GABRG3: variants seen among roughly 807,000 people sequenced by gnomAD.
GABRG3 encodes the protein gamma-aminobutyric acid type A receptor subunit gamma3, also known as gamma-aminobutyric acid receptor subunit gamma-3.
GABRG3 carries 25 observed loss-of-function variants against 48.8 expected under a neutral mutation model. The ratio of observed to expected loss-of-function variants is 0.51; its 90% CI spans 0.37 to 0.72. The LOEUF (loss-of-function observed/expected upper bound fraction) is 0.72, where lower values mean the gene tolerates loss of function less well. Among genes scored for constraint, GABRG3 ranks in the 30% least tolerant of loss-of-function variants. The pLI is 0.00. For missense variants in GABRG3, 394 were observed against 577.9 expected (o/e 0.68, Z 3.26); for synonymous variants, 227 against 217.6 (o/e 1.04, Z -0.38).
intron 3 of GABRG3, among the ~76,000 whole-genome samples, chr15:27,095,245 G>A (rs1300425204): frequency 6.6e-6 from 1 of 152,216 alleles, no homozygotes; most frequent in East Asian, 1.9e-4. Flanking sequence ...TGGCAACTCT[G>A]TTGAATGAAG....
At chr15:27,285,982 A>G (rs1891598536) in intron 3 of GABRG3, among the ~76,000 whole-genome samples, 1 of 152,182 alleles carries the variant, frequency 6.6e-6, no homozygotes, top group African/African-American at 2.4e-5. Context: ...ATCTTCGTAA[A>G]TATTTGATGA....
intron 5 of GABRG3, among the ~76,000 whole-genome samples, chr15:27,426,554 C>T (rs1888298863): frequency 6.6e-6 from 1 of 152,066 alleles, no homozygotes; most frequent in African/African-American, 2.4e-5. Context: ...GTGTCTCATG[C>T]CAGTAATCCC....
At chr15:27,513,087 GA>G (rs1890935294) in intron 6 of GABRG3, among the ~76,000 whole-genome samples, 2 of 152,164 alleles carry the variant, frequency 1.3e-5, no homozygotes, top group Admixed American at 1.3e-4. Flanking sequence ...ATGAAAAGAT[GA>G]GAGGAGATAT....
intron 3 of GABRG3, among the ~76,000 whole-genome samples, chr15:27,259,343 G>A (rs2140465308): frequency 6.6e-6 from 1 of 152,262 alleles, no homozygotes; most frequent in Middle Eastern, 3.4e-3. Context: ...GTTTGGAGGT[G>A]CAGCTTTGTG....
Position 27,525,605 on chromosome 15 carries a change from G to C in GABRG3, c.866-1828G>C, listed in dbSNP as rs145133130. Among the ~76,000 whole-genome samples the C allele has an allele frequency of 7.7e-3, 1,177 of 152,252 alleles. 4 individuals carry two copies. Among genetic ancestry groups the C allele is most frequent in the Non-Finnish European group, 0.012 (794 of 68,032 alleles). The stretch of plus-strand genomic sequence containing the variant: ...TACAGGCCACTCATGACAACTGATG[G>C]ACAAGGTCTATGGAAATTACAGACA... On this transcript the variant is annotated intron_variant, in intron 7 of 9. Transcript: ENST00000615808.
At chr15:27,503,521 C>CT (rs1031088896) in intron 6 of GABRG3, among the ~76,000 whole-genome samples, 1 of 151,932 alleles carries the variant, frequency 6.6e-6, no homozygotes, top group African/African-American at 2.4e-5. Context: ...TTTTTTTTCC[C>CT]TTTTTTTCAC....
intron 3 of GABRG3, among the ~76,000 whole-genome samples, chr15:27,175,557 C>T (rs1203553512): frequency 6.6e-6 from 1 of 152,178 alleles, no homozygotes; most frequent in Non-Finnish European, 1.5e-5. Flanking sequence ...TTCCATTGCC[C>T]ACTAATAATG....
At chr15:27,461,086 AACTC>A (rs1428864976) in intron 5 of GABRG3, among the ~76,000 whole-genome samples, 3 of 152,032 alleles carry the variant, frequency 2.0e-5, no homozygotes, top group East Asian at 1.9e-4. Context: ...TGCTAAGATG[AACTC>A]ACTCACTCCC....
intron 3 of GABRG3, among the ~76,000 whole-genome samples, chr15:27,321,992 G>T (rs1390937257): frequency 6.6e-6 from 1 of 152,214 alleles, no homozygotes; most frequent in Non-Finnish European, 1.5e-5. Flanking sequence ...GTTTACATTG[G>T]AGGGTCCGCA....
At chr15:27,072,932 G>A (rs72715952) in intron 3 of GABRG3, among the ~76,000 whole-genome samples, 27,495 of 152,234 alleles carry the variant, frequency 0.18, 2,603 homozygotes, top group Middle Eastern at 0.26. Context: ...GCTCTGGCCA[G>A]CAGATAGTCA....
chr15:27,517,251 C>T (rs1891043595), intron 6 of GABRG3, among the ~76,000 whole-genome samples: 1 of 151,926 alleles, frequency 6.6e-6, no homozygotes, highest in African/African-American at 2.4e-5. Context: ...AGCACTGGGA[C>T]TTTGTCTGAT....
At chr15:27,306,303 AT>A (rs1892438318) in intron 3 of GABRG3, among the ~76,000 whole-genome samples, 2 of 136,196 alleles carry the variant, frequency 1.5e-5, no homozygotes, top group African/African-American at 5.7e-5. Flanking sequence ...ATATAAACAT[AT>A]ATATAATATA....
intron 3 of GABRG3, among the ~76,000 whole-genome samples, chr15:27,307,362 AC>A (rs1892626684): frequency 1.0e-5 from 1 of 97,444 alleles, no homozygotes; most frequent in African/African-American, 3.7e-5. Context: ...TTTATATATA[AC>A]CATATAGGTT....
rs570676910 is a variant in GABRG3 at position 27,114,760 on chromosome 15, T to C, written c.270+87939T>C. On this transcript the variant is annotated intron_variant, in intron 3 of 9. Transcript: ENST00000615808. ...CTAGATAATGAAAGGTGCAGACTTATTAAAGGCATAAGAGAATGCTTACCC... is the reference window on the plus strand; with the variant it reads ...CTAGATAATGAAAGGTGCAGACTTACTAAAGGCATAAGAGAATGCTTACCC... Among the ~76,000 whole-genome samples, 10 of 152,230 alleles carry C rather than the reference T, an allele frequency of 6.6e-5. 2 individuals carry two copies. Among genetic ancestry groups the C allele is most frequent in the African/African-American group, 2.4e-4 (10 of 41,554 alleles).
chr15:27,069,252 A>G (rs2889395), intron 3 of GABRG3, among the ~76,000 whole-genome samples: 31,895 of 152,096 alleles, frequency 0.21, 3,496 homozygotes, highest in Middle Eastern at 0.27. Context: ...AATTTTCTAA[A>G]GTCAAGTATA....
intron 3 of GABRG3, among the ~76,000 whole-genome samples, chr15:27,094,074 T>C (rs1006661162): frequency 1.9e-4 from 29 of 152,188 alleles, no homozygotes; most frequent in African/African-American, 7.0e-4. Context: ...GAGATGCATA[T>C]AGTTACCCTT....
intron 5 of GABRG3, among the ~76,000 whole-genome samples, chr15:27,431,523 A>G (rs1254770392): frequency 6.6e-6 from 1 of 151,886 alleles, no homozygotes; most frequent in Non-Finnish European, 1.5e-5. Flanking sequence ...TTTCATTCTC[A>G]TGCTTAATTG....
At chr15:27,530,338 A>C (rs941906423) in intron 9 of GABRG3, among the ~76,000 whole-genome samples, 1 of 152,224 alleles carries the variant, frequency 6.6e-6, no homozygotes, top group Non-Finnish European at 1.5e-5. Flanking sequence ...AGCTGGGCCA[A>C]AGAGGACTTT....
intron 3 of GABRG3, among the ~76,000 whole-genome samples, chr15:27,188,748 A>T (rs143484633): frequency 0.05 from 7,604 of 152,066 alleles, 235 homozygotes; most frequent in South Asian, 0.079. Flanking sequence ...CCCATTTGTC[A>T]ATTTTGGCTT....
Sources: allele counts gnomAD v4.1 joint callset (sites outside exome capture counted in the v4.1 genomes callset), GRCh38; gene constraint gnomAD v4.1.1; transcripts MANE v1.5; gene names NCBI Gene and HGNC (gene_info 2026-07-23, HGNC 2026-07-21).